Variants in NHSL1 observed in about 807,000 individuals in gnomAD.
NHSL1 encodes NHS like 1.
Under a neutral mutation model 95.0 loss-of-function variants are expected in NHSL1, and 48 were observed. The ratio of observed to expected loss-of-function variants is 0.51; its 90% confidence interval spans 0.40 to 0.64. NHSL1 has a LOEUF of 0.64. Among genes scored for constraint, NHSL1 ranks in the 30% least tolerant of loss-of-function variants. The probability of loss-of-function intolerance (pLI) is 0.00; values close to 1 mark genes in which losing one functional copy is unlikely to be tolerated. For synonymous variants in NHSL1, 783 were observed against 833.9 expected (o/e 0.94, Z 1.05); for missense variants, 1,971 against 2,077.7 (o/e 0.95, Z 1.00).
intron 1 of NHSL1, among the ~76,000 whole-genome samples, chr6:138,560,623 T>A (rs1450895174): frequency 6.6e-6 from 1 of 152,242 alleles, no homozygotes; most frequent in Non-Finnish European, 1.5e-5. Flanking sequence ...GAAAAACTTA[T>A]GTAAATAAAT....
At chr6:138,621,008 G>A (rs556263329) in intron 1 of NHSL1, among the ~76,000 whole-genome samples, 1 of 152,206 alleles carries the variant, frequency 6.6e-6, no homozygotes, top group Non-Finnish European at 1.5e-5. Context: ...CCAGGTGCTA[G>A]TGTGGGGGAT....
chr6:138,629,385 C>CTT (rs1255232008), intron 1 of NHSL1, among the ~76,000 whole-genome samples: 11 of 86,034 alleles, frequency 1.3e-4, no homozygotes, highest in South Asian at 4.5e-4. Context: ...TTCTTTCTTT[C>CTT]TTTCTTTTTT....
At chr6:138,557,725 A>T (rs867116706) in intron 1 of NHSL1, among the ~76,000 whole-genome samples, 3 of 152,328 alleles carry the variant, frequency 2.0e-5, no homozygotes, top group African/African-American at 4.8e-5. Flanking sequence ...GGACTAAGTC[A>T]CGAGAAGTGG....
intron 1 of NHSL1, among the ~76,000 whole-genome samples, chr6:138,675,255 C>T (rs1785433514): frequency 6.6e-6 from 1 of 152,172 alleles, no homozygotes; most frequent in Admixed American, 6.6e-5. Flanking sequence ...GAGCCTAAAG[C>T]TCTCAGTCCC....
At chr6:138,684,518 G>A (rs1170813870) in intron 1 of NHSL1, among the ~76,000 whole-genome samples, 4 of 151,730 alleles carry the variant, frequency 2.6e-5, no homozygotes, top group Non-Finnish European at 5.9e-5. Flanking sequence ...GGTGGCGTGC[G>A]CCTGTAATCC....
chr6:138,650,953 G>A (rs1785084460), intron 1 of NHSL1: 2 of 531,490 alleles, frequency 3.8e-6, no homozygotes, highest in African/African-American at 3.9e-5. Flanking sequence ...TTGGCAGATA[G>A]AGGACCTTCC....
At chr6:138,684,540 A>G (rs1261332485) in intron 1 of NHSL1, among the ~76,000 whole-genome samples, 1 of 150,966 alleles carries the variant, frequency 6.6e-6, no homozygotes, top group East Asian at 2.0e-4. Flanking sequence ...AGCTACTCAG[A>G]AGGCTGAGGC....
chr6:138,437,827 T>G (rs1279918375), intron 5 of NHSL1, among the ~76,000 whole-genome samples: 1 of 152,158 alleles, frequency 6.6e-6, no homozygotes, highest in Non-Finnish European at 1.5e-5. Flanking sequence ...CCAGATGTGG[T>G]AGAAACAGCA....
chr6:138,655,940 G>C (rs73566694), intron 1 of NHSL1, among the ~76,000 whole-genome samples: 1 of 152,094 alleles, frequency 6.6e-6, no homozygotes, highest in African/African-American at 2.4e-5. Context: ...ACACAGTTCC[G>C]ATGTGATGAA....
chr6:138,565,008 A>C (rs1783556716), intron 1 of NHSL1, among the ~76,000 whole-genome samples: 1 of 152,202 alleles, frequency 6.6e-6, no homozygotes. Context: ...GGACGGAGGC[A>C]GATCCCGTAA....
intron 3 of NHSL1, among the ~76,000 whole-genome samples, chr6:138,471,988 C>G (rs1042892686): frequency 6.6e-6 from 1 of 151,496 alleles, no homozygotes; most frequent in South Asian, 2.1e-4. Flanking sequence ...AGACCACCAG[C>G]CCAGCCAATA....
chr6:138,678,585 TATGCAG>T (rs768312949), intron 1 of NHSL1, among the ~76,000 whole-genome samples: 3 of 152,198 alleles, frequency 2.0e-5, no homozygotes, highest in South Asian at 2.1e-4. Context: ...AACATAAAAT[TATGCAG>T]ATGAAGTATT....
chr6:138,616,142 C>G (rs911856411), intron 1 of NHSL1, among the ~76,000 whole-genome samples: 1 of 152,162 alleles, frequency 6.6e-6, no homozygotes, highest in Non-Finnish European at 1.5e-5. Context: ...CTTTTGAGAT[C>G]AGAGCAAATA....
Position 138,499,389 on chromosome 6 carries a change from C to T in NHSL1, c.-99G>A. 9 of 1,506,366 alleles carry T rather than the reference C, an allele frequency of 6.0e-6. No individual in the cohort carries two copies. In the South Asian group the frequency reaches 1.0e-4, roughly 17 times the overall value. The allele number at this position is 1,506,366 out of a possible 1,614,324, so 93.3% of individuals were successfully genotyped here. ...TTCGTCCTTCTGCTACAGATTCTAA[C>T]TTTTTCTTCCCCCGGTCTCATATCC... On this transcript the variant is annotated 5_prime_UTR_variant, in exon 1 of 8. Transcript: ENST00000343505.
intron 1 of NHSL1, among the ~76,000 whole-genome samples, chr6:138,687,029 C>A (rs540508967): frequency 6.1e-4 from 93 of 152,296 alleles, no homozygotes; most frequent in African/African-American, 2.2e-3. Context: ...GCGGGCCACA[C>A]AGCCACCAAC....
chr6:138,551,981 T>G (rs1311574924), intron 1 of NHSL1, among the ~76,000 whole-genome samples: 2 of 152,204 alleles, frequency 1.3e-5, no homozygotes, highest in Non-Finnish European at 2.9e-5. Flanking sequence ...TGTGCTGGAC[T>G]CAAACTAACC....
intron 1 of NHSL1, among the ~76,000 whole-genome samples, chr6:138,643,542 A>G (rs1241612254): frequency 6.6e-6 from 1 of 152,242 alleles, no homozygotes. Context: ...AAACTAGCAG[A>G]GCCAATATTT....
intron 1 of NHSL1, among the ~76,000 whole-genome samples, chr6:138,609,498 C>A (rs1490608712): frequency 6.6e-6 from 1 of 152,058 alleles, no homozygotes; most frequent in Non-Finnish European, 1.5e-5. Flanking sequence ...TGCCTGTAAT[C>A]CCAGCACTTT....
At position 138,433,414 on chromosome 6, in the gene NHSL1, C is replaced by A. The variant is rs994150924; in HGVS notation, c.931G>T (p.Val311Leu). ...TCACTGTCAAGGCGGGAAGGGAATA[C>A]GATCCCTGCAGAATCGCTCAGCACA... Reference protein sequence around the residue: ...MSVLSDSAGIVFPSRLDSDAG... With the variant: ...MSVLSDSAGILFPSRLDSDAG... The change falls in exon 6 of 8, where the codon GTA becomes TTA. Residue 311 changes from valine to leucine, a missense_variant. Coordinates refer to ENST00000343505, the MANE Select transcript of NHSL1 (RefSeq NM_001144060.2). 1 of 1,552,304 alleles carries A rather than the reference C, an allele frequency of 6.4e-7. No individual in the cohort carries two copies.
Sources: allele counts gnomAD v4.1 joint callset (sites outside exome capture counted in the v4.1 genomes callset), GRCh38; gene constraint gnomAD v4.1.1; transcripts MANE v1.5; gene names NCBI Gene and HGNC (gene_info 2026-07-23, HGNC 2026-07-21).